Variants in PTK7 observed in about 807,000 individuals in gnomAD.
PTK7 encodes protein tyrosine kinase 7 (inactive).
Under a neutral mutation model 116.6 loss-of-function variants are expected in PTK7, and 39 were observed. The ratio of observed to expected loss-of-function variants is 0.33; its 90% CI spans 0.26 to 0.44. The LOEUF (loss-of-function observed/expected upper bound fraction) is 0.44. Ranked by LOEUF, PTK7 falls within the 20% of genes least tolerant of loss-of-function variation. PTK7 has a pLI of 1.00. For missense variants in PTK7, 1,169 were observed against 1,425.6 expected, an observed-to-expected ratio of 0.82 and a Z score of 2.90; for synonymous variants, 546 against 563.6, an observed-to-expected ratio of 0.97 and a Z score of 0.44.
intron 1 of PTK7, among the ~76,000 whole-genome samples, chr6:43,119,515 T>C (rs1334078857): frequency 1.3e-5 from 2 of 151,912 alleles, no homozygotes; most frequent in Non-Finnish European, 2.9e-5. Flanking sequence ...CCCCTGGGAG[T>C]CAGAGACCTG....
At chr6:43,138,638 G>A (rs1194580207) in intron 7 of PTK7, 2 of 521,658 alleles carry the variant, frequency 3.8e-6, no homozygotes, top group South Asian at 3.3e-5. Context: ...CTCCAGCCTG[G>A]GTGACAGAGT....
intron 7 of PTK7, among the ~76,000 whole-genome samples, chr6:43,136,270 G>A (rs1161995735): frequency 6.6e-6 from 1 of 151,866 alleles, no homozygotes; most frequent in African/African-American, 2.4e-5. Flanking sequence ...GGGAGGTGGA[G>A]GTTGCAGTGA....
chr6:43,139,656 T>G lies in PTK7; in HGVS notation c.1618+131T>G. 1.4e-6 allele frequency: 2 copies of G among 1,396,866 alleles called. No homozygotes were observed. The highest frequency in any genetic ancestry group is 1.9e-6 in the Non-Finnish European group (2 of 1,040,284). 86.5% of individuals were successfully genotyped at this position (1,396,866 alleles called of 1,614,324 possible). A position where few individuals can be genotyped will look rare whatever the true frequency, so the allele number is the denominator to read the frequency against. On this transcript the variant is annotated intron_variant, in intron 10 of 19. Transcript: ENST00000230419. This position sits in a 1 kb window ranked among gnomAD's most constrained non-coding sequence, Gnocchi z 4.6. ...TTAGACAAGCAGTGCAGGGCTGATGTATAGTTTAGTTAGGAAGGAAAAAGC... is the reference window on the plus strand; with the variant it reads ...TTAGACAAGCAGTGCAGGGCTGATGGATAGTTTAGTTAGGAAGGAAAAAGC...
chr6:43,080,897 G>A (rs1000169639), intron 1 of PTK7, among the ~76,000 whole-genome samples: 5 of 151,802 alleles, frequency 3.3e-5, no homozygotes, highest in Admixed American at 1.3e-4. Context: ...AGCCGAGATC[G>A]CGCCGCTGCA....
chr6:43,089,967 A>C (rs1354131569), intron 1 of PTK7, among the ~76,000 whole-genome samples: 2 of 152,198 alleles, frequency 1.3e-5, no homozygotes, highest in Non-Finnish European at 2.9e-5. Flanking sequence ...CAGGGGTTGT[A>C]CAGCCTCCTG....
chr6:43,158,443 G>A (rs1582234737), intron 17 of PTK7, among the ~76,000 whole-genome samples: 1 of 152,170 alleles, frequency 6.6e-6, no homozygotes, highest in Non-Finnish European at 1.5e-5. Context: ...ACTCTAGCCT[G>A]GGTGACAGAG....
intron 1 of PTK7, among the ~76,000 whole-genome samples, chr6:43,107,875 G>A (rs1244418789): frequency 2.0e-5 from 3 of 152,346 alleles, no homozygotes; most frequent in East Asian, 1.9e-4. Flanking sequence ...GACCAAGTGC[G>A]AGATCTGCAT....
Position 43,142,085 on chromosome 6 carries a change from G to C in PTK7, c.1919+4G>C, listed in dbSNP as rs766201688. On this transcript the variant is annotated splice_donor_region_variant and intron_variant, in intron 12 of 19. Coordinates refer to ENST00000230419, the MANE Select transcript of PTK7 (RefSeq NM_002821.5). ...ACCCCACCAAGCTGGGACCCAGGTA[G>C]GGCCACCTCTCTCCCACACCCGTCC... 11 of 1,612,864 alleles carry C rather than the reference G, an allele frequency of 6.8e-6. No individual in the cohort carries two copies. In the East Asian group the frequency reaches 2.5e-4, roughly 36 times the overall value.
At position 43,141,657 on chromosome 6, in the gene PTK7, T is replaced by TC. The variant is rs1384126429; in HGVS notation, c.1619-11_1619-10insC. The stretch of plus-strand genomic sequence containing the variant: ...GATCCTTCCCATAATTTCCCTTTGT[T>TC]ACCCCTGCAGATGGGAGCAGCCTCC... On this transcript the variant is annotated splice_polypyrimidine_tract_variant and intron_variant, in intron 10 of 19. Coordinates refer to ENST00000230419, the MANE Select transcript of PTK7 (RefSeq NM_002821.5). The surrounding 1 kb of genome is among the most constrained non-coding windows in gnomAD (Gnocchi z 4.9). The TC allele has an allele frequency of 6.2e-7, 1 of 1,612,848 alleles. No individual in the cohort carries two copies. Among genetic ancestry groups the TC allele is most frequent in the Non-Finnish European group, 8.5e-7 (1 of 1,179,024 alleles).
rs772564666 is a variant in PTK7 at position 43,139,552 on chromosome 6, G to GGGCA, written c.1618+37_1618+40dup. 2.2e-5 allele frequency: 35 copies of GGGCA among 1,613,020 alleles called. No individual in the cohort carries two copies. The East Asian group carries it at 7.8e-4, about 36-fold the overall frequency. On this transcript the variant is annotated intron_variant, in intron 10 of 19. Transcript: ENST00000230419. This position sits in a 1 kb window ranked among gnomAD's most constrained non-coding sequence, Gnocchi z 4.6. The stretch of plus-strand genomic sequence containing the variant: ...TGGGTACAGTGCCGGCATAGGGTAG[G>GGGCA]GGCAGGCAGGCAGTTCACTGATCAG...
Position 43,130,653 on chromosome 6 carries a change from C to T in PTK7, c.804C>T (p.Asn268=). The change falls in exon 5 of 20, where the codon AAC becomes AAT. Residue 268 remains asparagine, a synonymous_variant. Transcript: ENST00000230419. ...WLFEDETPIT[N]RSRPPHLRRA... ...TTGAGGATGAGACTCCCATCACTAA[C>T]CGCAGTCGGTAAGGCATCTGGCTGG... is the stretch of plus-strand genomic sequence containing the variant. 1.9e-6 allele frequency: 3 copies of T among 1,614,200 alleles called. No individual in the cohort carries two copies. Among genetic ancestry groups the T allele is most frequent in the Non-Finnish European group, 2.5e-6 (3 of 1,180,026 alleles).
intron 17 of PTK7, among the ~76,000 whole-genome samples, chr6:43,152,505 C>T (rs551687111): frequency 1.3e-5 from 2 of 152,202 alleles, no homozygotes; most frequent in Non-Finnish European, 2.9e-5. Flanking sequence ...CCCGCCTGGG[C>T]GACAGAGTGA....
At chr6:43,136,833 T>G (rs1582174400) in intron 7 of PTK7, among the ~76,000 whole-genome samples, 1 of 151,964 alleles carries the variant, frequency 6.6e-6, no homozygotes, top group South Asian at 2.1e-4. Flanking sequence ...AGACCCCGTC[T>G]CTACTAAAAA....
chr6:43,090,652 T>C (rs1479058578), intron 1 of PTK7, among the ~76,000 whole-genome samples: 1 of 152,188 alleles, frequency 6.6e-6, no homozygotes, highest in East Asian at 1.9e-4. Flanking sequence ...CCAGGAAGTA[T>C]CTCCTTCTGG....
chr6:43,146,511 T>G, intron 16 of PTK7, 107 bp from the exon 17 acceptor site: 6 of 1,060,066 alleles, frequency 5.7e-6, no homozygotes, highest in Non-Finnish European at 8.5e-6. Context: ...GCTTAGGCCT[T>G]CTCACTGCCT....
At position 43,076,315 on chromosome 6, in the gene PTK7, C is replaced by T. The variant is rs1321542100; in HGVS notation, c.-174C>T. The T allele has an allele frequency of 9.1e-6, 2 of 219,422 alleles. No homozygotes were observed. Among genetic ancestry groups the T allele is most frequent in the East Asian group, 1.3e-4 (1 of 7,672 alleles). 13.6% of individuals were successfully genotyped at this position (219,422 alleles called of 1,614,324 possible). ...GGCGGCGCGCGGGGACTCGGAGGTA[C>T]TGGGCGCGCGCGGCTCCGGCTCGGG... is the stretch of plus-strand genomic sequence containing the variant. On this transcript the variant is annotated 5_prime_UTR_variant, in exon 1 of 20. Coordinates refer to ENST00000230419, the MANE Select transcript of PTK7 (RefSeq NM_002821.5). The surrounding 1 kb of genome is among the most constrained non-coding windows in gnomAD (Gnocchi z 5.7).
At chr6:43,160,146 C>T (rs908650683) in intron 19 of PTK7, among the ~76,000 whole-genome samples, 180 bp downstream of exon 19, 1 of 152,150 alleles carries the variant, frequency 6.6e-6, no homozygotes, top group African/African-American at 2.4e-5. Flanking sequence ...GACGGAGTGT[C>T]GCCCTGTCGC....
Position 43,141,940 on chromosome 6 carries a change from C to T in PTK7, c.1778C>T (p.Thr593Ile). ...HVQLTVAVFI[T>I]FKVEPERTTV... is the part of the protein sequence containing the mutation. ...GTCTCTTTTCTTCCAGTTTTTATCA[C>T]CTTCAAAGTGGAACCAGAGCGTACG... The change falls in exon 12 of 20, where the codon ACC becomes ATC. Residue 593 changes from threonine to isoleucine, a missense_variant. By Grantham distance (89) the Thr-to-Ile change is moderately conservative. This residue lies in a region of PTK7 where 678 missense variants were observed against 853.8 expected (regional missense o/e 0.79). Coordinates refer to ENST00000230419, the MANE Select transcript of PTK7 (RefSeq NM_002821.5). The surrounding 1 kb of genome is among the most constrained non-coding windows in gnomAD (Gnocchi z 4.9). 6.2e-7 allele frequency: 1 copy of T among 1,606,152 alleles called. No homozygotes were observed. The highest frequency in any genetic ancestry group is 2.2e-5 in the East Asian group (1 of 44,666).
intron 1 of PTK7, among the ~76,000 whole-genome samples, chr6:43,087,529 G>A (rs1280805779): frequency 2.6e-5 from 4 of 152,154 alleles, no homozygotes; most frequent in South Asian, 2.1e-4. Context: ...GAGCTCCAGC[G>A]CTGGGTATCC....
Sources: allele counts gnomAD v4.1 joint callset (sites outside exome capture counted in the v4.1 genomes callset), GRCh38; gene constraint gnomAD v4.1.1; regional missense constraint gnomAD v4.1.1; non-coding constraint Gnocchi (gnomAD v3.1); transcripts MANE v1.5; gene names NCBI Gene and HGNC (gene_info 2026-07-23, HGNC 2026-07-21).